FARP1: variants seen among roughly 807,000 people sequenced by gnomAD.
FARP1 encodes the protein FERM, ARHGEF and pleckstrin domain-containing protein 1.
In FARP1, 52 loss-of-function variants were observed where a neutral mutation model predicts 128.8. The observed-to-expected ratio is 0.40, with a 90% CI of 0.32 to 0.51. FARP1 has a LOEUF of 0.51. Among genes scored for constraint, FARP1 ranks in the 20% least tolerant of loss-of-function variants. The pLI is 0.45. For missense variants in FARP1, 1,333 were observed against 1,367.9 expected (o/e 0.97, Z 0.40); for synonymous variants, 580 against 551.8 (o/e 1.05, Z -0.72).
intron 1 of FARP1, among the ~76,000 whole-genome samples, chr13:98,168,508 G>C (rs1877438789): frequency 6.6e-6 from 1 of 152,212 alleles, no homozygotes; most frequent in African/African-American, 2.4e-5. Flanking sequence ...ACTGGGCCAG[G>C]TTTCTCACTG....
intron 2 of FARP1, among the ~76,000 whole-genome samples, chr13:98,263,705 T>G (rs184224854): frequency 6.6e-6 from 1 of 152,188 alleles, no homozygotes; most frequent in Non-Finnish European, 1.5e-5. Context: ...TAATAGTAGG[T>G]TATTGAGTAA....
chr13:98,396,162 C>T, intron 13 of FARP1: 1 of 399,226 alleles, frequency 2.5e-6, no homozygotes, highest in Non-Finnish European at 4.4e-6. Context: ...GGCAAGCCAG[C>T]GCAGCTGCTC....
At position 98,450,445 on chromosome 13, in the gene FARP1, G is replaced by A. The variant is rs933440395; in HGVS notation, c.*2128G>A. Reference sequence around the variant, plus strand: ...GAGCAATGCAGGGATAAAACTATTGGATAAGGAAGGCAGATGCACTTCCAA... The same window carrying A: ...GAGCAATGCAGGGATAAAACTATTGAATAAGGAAGGCAGATGCACTTCCAA... On this transcript the variant is annotated 3_prime_UTR_variant, in exon 27 of 27. Coordinates refer to ENST00000319562, the MANE Select transcript of FARP1 (RefSeq NM_005766.4). 3.9e-5 allele frequency: 6 copies of A among 152,256 alleles called. No individual in the cohort carries two copies. The highest frequency in any genetic ancestry group is 8.8e-5 in the Non-Finnish European group (6 of 68,062). 9.4% of individuals were successfully genotyped at this position (152,256 alleles called of 1,614,324 possible).
intron 1 of FARP1, among the ~76,000 whole-genome samples, chr13:98,203,125 A>G (rs545769353): frequency 1.3e-5 from 2 of 152,346 alleles, no homozygotes; most frequent in East Asian, 1.9e-4. Flanking sequence ...CTTTTGTCCC[A>G]GGCCAGGCTG....
intron 13 of FARP1, chr13:98,404,409 G>GCGGGA (rs1890899243): frequency 1.6e-5 from 1 of 62,858 alleles, no homozygotes; most frequent in Non-Finnish European, 4.2e-5. Context: ...ATTCCACTGA[G>GCGGGA]CCCCAACTTA....
intron 1 of FARP1, among the ~76,000 whole-genome samples, chr13:98,188,509 C>T (rs1387786918): frequency 6.6e-6 from 1 of 151,932 alleles, no homozygotes; most frequent in South Asian, 2.1e-4. Context: ...TGCAGTGAGC[C>T]GAGATCATGC....
At chr13:98,173,306 T>C (rs1419926276) in intron 1 of FARP1, among the ~76,000 whole-genome samples, 2 of 152,224 alleles carry the variant, frequency 1.3e-5, no homozygotes, top group East Asian at 3.8e-4. Context: ...AAAATGTCCC[T>C]GTTTTCTTCA....
chr13:98,316,284 C>G (rs776283738), intron 2 of FARP1, among the ~76,000 whole-genome samples: 19 of 152,154 alleles, frequency 1.2e-4, no homozygotes, highest in Non-Finnish European at 1.9e-4. Context: ...AGCAAAACCC[C>G]TAGCCAACAG....
At chr13:98,310,482 T>C (rs1402268531) in intron 2 of FARP1, among the ~76,000 whole-genome samples, 1 of 152,222 alleles carries the variant, frequency 6.6e-6, no homozygotes, top group Non-Finnish European at 1.5e-5. Context: ...AATTTGAAAC[T>C]AGGAATTTAA....
chr13:98,238,052 C>T (rs1319877199), intron 2 of FARP1, among the ~76,000 whole-genome samples: 1 of 152,024 alleles, frequency 6.6e-6, no homozygotes, highest in East Asian at 1.9e-4. Flanking sequence ...GGATCTAAAG[C>T]TGGAGAATGT....
At chr13:98,216,734 A>C (rs1881082673) in intron 2 of FARP1, among the ~76,000 whole-genome samples, 1 of 152,168 alleles carries the variant, frequency 6.6e-6, no homozygotes, top group African/African-American at 2.4e-5. Context: ...ACCTTTTGGG[A>C]GGCTTTGGCA....
chr13:98,377,760 C>A, intron 5 of FARP1, 61 bp from the exon 6 acceptor site: 1 of 1,261,432 alleles, frequency 7.9e-7, no homozygotes, highest in Non-Finnish European at 1.2e-6. Flanking sequence ...CATGGTGAGG[C>A]CAGGTTCCCG....
chr13:98,372,514 G>A (rs996472617), intron 5 of FARP1, among the ~76,000 whole-genome samples: 1 of 152,114 alleles, frequency 6.6e-6, no homozygotes, highest in African/African-American at 2.4e-5. Flanking sequence ...ACTTGCCTGT[G>A]TTCTTATAGG....
chr13:98,417,349 G>A (rs147477128), intron 16 of FARP1, among the ~76,000 whole-genome samples: 23 of 150,048 alleles, frequency 1.5e-4, no homozygotes, highest in African/African-American at 5.6e-4. Context: ...AAAGAGAGCT[G>A]AGGGCAGAAT....
chr13:98,166,028 T>C (rs1877245550), intron 1 of FARP1, among the ~76,000 whole-genome samples: 1 of 152,124 alleles, frequency 6.6e-6, no homozygotes, highest in Non-Finnish European at 1.5e-5. Context: ...CCCAGAAGTC[T>C]TTTATGCATA....
At chr13:98,156,589 G>C (rs1441233918) in intron 1 of FARP1, among the ~76,000 whole-genome samples, 1 of 151,772 alleles carries the variant, frequency 6.6e-6, no homozygotes, top group African/African-American at 2.4e-5. Context: ...TAAATTTTGT[G>C]TAGAAATGGG....
chr13:98,362,149 A>G (rs932203310), intron 3 of FARP1, among the ~76,000 whole-genome samples: 7 of 152,204 alleles, frequency 4.6e-5, no homozygotes, highest in African/African-American at 1.7e-4. Flanking sequence ...CTGTAGTCCC[A>G]GCTACCCGGG....
At chr13:98,424,463 G>A (rs1246524584) in intron 16 of FARP1, 109 bp from the exon 17 acceptor site, 1 of 738,684 alleles carries the variant, frequency 1.4e-6, no homozygotes, top group East Asian at 2.5e-5. Context: ...TTCAGGAGAT[G>A]TCCGGGGAGG....
intron 2 of FARP1, among the ~76,000 whole-genome samples, chr13:98,227,912 A>T (rs900248623): frequency 6.6e-6 from 1 of 152,252 alleles, no homozygotes; most frequent in South Asian, 2.1e-4. Flanking sequence ...TATGGGGTAC[A>T]TAAATAGAAA....
Sources: allele counts gnomAD v4.1 joint callset (sites outside exome capture counted in the v4.1 genomes callset), GRCh38; gene constraint gnomAD v4.1.1; transcripts MANE v1.5; gene names NCBI Gene and HGNC (gene_info 2026-07-23, HGNC 2026-07-21).